Variants in MEDAG observed in about 807,000 individuals in gnomAD.
MEDAG encodes the protein mesenteric estrogen dependent adipogenesis.
In MEDAG, 25 loss-of-function variants were observed where a neutral mutation model predicts 29.9. The ratio of observed to expected loss-of-function variants is 0.84; its 90% CI spans 0.61 to 1.17. The LOEUF (loss-of-function observed/expected upper bound fraction) is 1.17, where lower values mean the gene tolerates loss of function less well. Ranked by LOEUF, MEDAG falls within the 50% of genes most tolerant of loss-of-function variation. The pLI is 0.00. For synonymous variants in MEDAG, 158 were observed against 148.2 expected (o/e 1.07, Z -0.48); for missense variants, 398 against 372.9 (o/e 1.07, Z -0.56).
At chr13:30,916,059 A>G (rs1003004517) in intron 1 of MEDAG, 1 of 152,206 alleles carries the variant, frequency 6.6e-6, no homozygotes, top group African/African-American at 2.4e-5. Flanking sequence ...TAGAGGCTCC[A>G]TCAGGGGTCA....
intron 2 of MEDAG, among the ~76,000 whole-genome samples, chr13:30,918,471 A>G (rs989281931): frequency 6.6e-6 from 1 of 152,208 alleles, no homozygotes; most frequent in African/African-American, 2.4e-5. Flanking sequence ...TCATGCCATG[A>G]TGTTGGAATG....
chr13:30,909,122 A>C (rs1192787747), intron 1 of MEDAG: 2 of 154,078 alleles, frequency 1.3e-5, no homozygotes, highest in Non-Finnish European at 2.9e-5. Context: ...GTCTCAAAAA[A>C]AAAAAAAAAA....
rs759088171 is a variant in MEDAG, at chr13:30,906,639, C to A, written c.124C>A (p.Arg42Ser). 1.3e-6 allele frequency: 2 copies of A among 1,577,606 alleles called. No homozygotes were observed. The highest frequency in any genetic ancestry group is 1.7e-6 in the Non-Finnish European group (2 of 1,170,166). The part of the protein sequence containing the change: ...LALLPLAQLL[R>S]LQPGAFQLSG... Reference sequence around the variant, plus strand: ...CCTGCTGCCGCTGGCTCAGCTGCTGCGCCTGCAGCCCGGTGCCTTCCAGCT... The same window carrying A: ...CCTGCTGCCGCTGGCTCAGCTGCTGAGCCTGCAGCCCGGTGCCTTCCAGCT... Residue 42 changes from arginine to serine, a missense_variant, in exon 1 of 5, where the codon CGC (arginine) becomes AGC (serine). Physicochemically the swap from Arg to Ser is moderately radical, Grantham distance 110 (BLOSUM62 -1). Transcript: ENST00000380482.
At position 30,917,441 on chromosome 13, in the gene MEDAG, A is replaced by G. The variant is rs761335981; in HGVS notation, c.317A>G (p.Tyr106Cys). 1.2e-6 allele frequency: 2 copies of G among 1,611,096 alleles called. No homozygotes were observed. Among genetic ancestry groups the G allele is most frequent in the Admixed American group, 1.7e-5 (1 of 59,982 alleles). The change falls in exon 2 of 5, where the codon TAC becomes TGC. Residue 106 changes from tyrosine to cysteine, a missense_variant. Coordinates refer to ENST00000380482, the MANE Select transcript of MEDAG (RefSeq NM_032849.4). Reference protein sequence around the residue: ...ELTNYCDYKDYRETILSKPML... With the variant: ...ELTNYCDYKDCRETILSKPML... ...ACCAACTACTGTGATTATAAAGACT[A>G]CAGGGAAACTATATTGAGCAAACCA...
intron 4 of MEDAG, chr13:30,922,623 G>C (rs969669678): frequency 6.6e-6 from 1 of 152,190 alleles, no homozygotes; most frequent in African/African-American, 2.4e-5. Flanking sequence ...AATAACTCTT[G>C]AGAAGGTTTC....
chr13:30,919,789 G>A (rs999818971), intron 2 of MEDAG, among the ~76,000 whole-genome samples: 7 of 152,112 alleles, frequency 4.6e-5, no homozygotes, highest in Non-Finnish European at 7.4e-5. Flanking sequence ...TTAAATGGAG[G>A]AGAACACAGG....
At chr13:30,921,244 A>G in intron 3 of MEDAG, 118 bp downstream of exon 3, 1 of 816,368 alleles carries the variant, frequency 1.2e-6, no homozygotes, top group African/African-American at 1.7e-5. Flanking sequence ...CCCTTAGAAA[A>G]CAAAGTGCAT....
chr13:30,920,619 A>G (rs1952974093), intron 2 of MEDAG, among the ~76,000 whole-genome samples: 1 of 152,032 alleles, frequency 6.6e-6, no homozygotes, highest in Non-Finnish European at 1.5e-5. Context: ...GAAAAAATCC[A>G]GCACTGCAGG....
chr13:30,920,594 A>T (rs997775886), intron 2 of MEDAG, among the ~76,000 whole-genome samples: 2 of 152,118 alleles, frequency 1.3e-5, no homozygotes, highest in African/African-American at 4.8e-5. Flanking sequence ...AAAAAATAAA[A>T]AAAAAAAAGA....
chr13:30,908,111 C>G (rs780694767), intron 1 of MEDAG, among the ~76,000 whole-genome samples: 3 of 152,210 alleles, frequency 2.0e-5, no homozygotes, highest in Non-Finnish European at 4.4e-5. Context: ...AGGGTTTTGA[C>G]AGAACCAGTT....
chr13:30,909,949 G>A (rs972805115), intron 1 of MEDAG, among the ~76,000 whole-genome samples: 4 of 152,078 alleles, frequency 2.6e-5, no homozygotes, highest in Non-Finnish European at 4.4e-5. Flanking sequence ...CAGCATAGTG[G>A]GAAGGTTTAG....
At chr13:30,908,653 T>G (rs2138113907) in intron 1 of MEDAG, 1 of 152,238 alleles carries the variant, frequency 6.6e-6, no homozygotes, top group Non-Finnish European at 1.5e-5. Flanking sequence ...GCCAGTTGTT[T>G]TTGGCTTTAG....
chr13:30,912,071 A>C (rs1475512717), intron 1 of MEDAG, among the ~76,000 whole-genome samples: 1 of 152,214 alleles, frequency 6.6e-6, no homozygotes, highest in African/African-American at 2.4e-5. Flanking sequence ...GGTACTCAGT[A>C]ATCGTTCCTT....
intron 1 of MEDAG, among the ~76,000 whole-genome samples, chr13:30,908,522 G>C (rs1952850748): frequency 6.6e-6 from 1 of 152,176 alleles, no homozygotes; most frequent in South Asian, 2.1e-4. Context: ...TCCAGGCAGA[G>C]GGGGAGGACT....
At chr13:30,911,336 G>A (rs1324708757) in intron 1 of MEDAG, among the ~76,000 whole-genome samples, 1 of 152,116 alleles carries the variant, frequency 6.6e-6, no homozygotes, top group Non-Finnish European at 1.5e-5. Context: ...CTACAGCAAT[G>A]TGCCACCTGA....
intron 4 of MEDAG, among the ~76,000 whole-genome samples, chr13:30,924,042 C>T (rs1371238060): frequency 2.0e-5 from 3 of 152,178 alleles, no homozygotes; most frequent in African/African-American, 7.2e-5. Context: ...TAACTATTCC[C>T]AAAATGTAAG....
At position 30,906,406 on chromosome 13, in the gene MEDAG, C is replaced by G; in HGVS notation, c.-110C>G. 8.3e-7 allele frequency: 1 copy of G among 1,205,994 alleles called. No individual in the cohort carries two copies. Among genetic ancestry groups the G allele is most frequent in the Non-Finnish European group, 1.1e-6 (1 of 932,030 alleles). The allele number at this position is 1,205,994 out of a possible 1,614,324, so 74.7% of individuals were successfully genotyped here. A position where few individuals can be genotyped will look rare whatever the true frequency, so the allele number is the denominator to read the frequency against. ...AGACCGACCCCCTCCTCACCTCGCG[C>G]GCGGCTGACGCAGGCAGGGCGCCCG... On this transcript the variant is annotated 5_prime_UTR_variant, in exon 1 of 5. Coordinates refer to ENST00000380482, the MANE Select transcript of MEDAG (RefSeq NM_032849.4).
chr13:30,908,684 C>G (rs1250311933), intron 1 of MEDAG: 1 of 136,872 alleles, frequency 7.3e-6, no homozygotes, highest in Admixed American at 7.3e-5. Context: ...AAACCTCCCT[C>G]CCTCCCCTCC....
At position 30,917,465 on chromosome 13, in the gene MEDAG, C is replaced by T. The variant is rs754103414; in HGVS notation, c.341C>T (p.Pro114Leu). 6.2e-7 allele frequency: 1 copy of T among 1,611,972 alleles called. No homozygotes were observed. The highest frequency in any genetic ancestry group is 8.5e-7 in the Non-Finnish European group (1 of 1,178,098). Residue 114 changes from proline (P) to leucine (L), a missense_variant, in exon 2 of 5, where the codon CCA (proline) becomes CTA (leucine). Pro to Leu is a moderately conservative substitution (Grantham distance 98, BLOSUM62 -3). Transcript: ENST00000380482. ...KDYRETILSK[P>L]MLFFINVQTK... ...TACAGGGAAACTATATTGAGCAAAC[C>T]AATGTTGTTCTTTATTAATGTACAG...
Sources: allele counts gnomAD v4.1 joint callset (sites outside exome capture counted in the v4.1 genomes callset), GRCh38; gene constraint gnomAD v4.1.1; transcripts MANE v1.5; gene names NCBI Gene and HGNC (gene_info 2026-07-23, HGNC 2026-07-21).